APBB2: variants seen among roughly 807,000 people sequenced by gnomAD.
APBB2 encodes Fe65-like 1.
In APBB2, 38 loss-of-function variants were observed where a neutral mutation model predicts 82.5. The ratio of observed to expected loss-of-function variants is 0.46; its 90% CI spans 0.36 to 0.60. The LOEUF is 0.60. Ranked by LOEUF, APBB2 falls within the 20% of genes least tolerant of loss-of-function variation. The pLI is 0.00. For synonymous variants in APBB2, 341 were observed against 368.2 expected, an observed-to-expected ratio of 0.93 and a Z score of 0.85; for missense variants, 772 against 972.3, an observed-to-expected ratio of 0.79 and a Z score of 2.74.
At chr4:41,086,125 G>T (rs1459673055) in intron 3 of APBB2, among the ~76,000 whole-genome samples, 1 of 152,028 alleles carries the variant, frequency 6.6e-6, no homozygotes, top group African/African-American at 2.4e-5. Context: ...GAATCATGAA[G>T]AAATGAAAAA....
intron 1 of APBB2, among the ~76,000 whole-genome samples, chr4:41,203,028 G>T (rs1474427532): frequency 6.6e-6 from 1 of 151,176 alleles, no homozygotes. Flanking sequence ...TTCTTTACAG[G>T]AAATAAAGAT....
At chr4:40,844,391 G>C (rs1166806483) in intron 12 of APBB2, among the ~76,000 whole-genome samples, 2 of 152,236 alleles carry the variant, frequency 1.3e-5, no homozygotes, top group Admixed American at 6.5e-5. Flanking sequence ...GTGTATGGGA[G>C]TGCTGGGCAT....
intron 2 of APBB2, among the ~76,000 whole-genome samples, chr4:41,126,024 C>T (rs1053781191): frequency 6.6e-6 from 1 of 152,160 alleles, no homozygotes; most frequent in Admixed American, 6.5e-5. Flanking sequence ...CTTCGTTTCA[C>T]ACCTTTAATT....
At chr4:41,001,859 CAG>C (rs1464690899) in intron 6 of APBB2, among the ~76,000 whole-genome samples, 1 of 147,774 alleles carries the variant, frequency 6.8e-6, no homozygotes, top group African/African-American at 2.5e-5. Flanking sequence ...GCCTGGGTGA[CAG>C]AGTGAGACTC....
rs114742803 is a variant in APBB2 at position 41,002,792 on chromosome 4, G to A, written c.835+10791C>T. On this transcript the variant is annotated intron_variant, in intron 6 of 17. Transcript: ENST00000508593. ...ACAAAATCTGCCTGTGAGTTTGTGC[G>A]TTCTTCAGTATTGCTGTTTGTGATC... 4.1e-3 allele frequency among the ~76,000 whole-genome samples: 629 copies of A among 152,270 alleles called. 6 individuals carry two copies. Among genetic ancestry groups the A allele is most frequent in the African/African-American group, 0.015 (606 of 41,538 alleles).
intron 5 of APBB2, among the ~76,000 whole-genome samples, chr4:41,017,326 A>T (rs1026937902): frequency 3.9e-5 from 6 of 152,222 alleles, no homozygotes; most frequent in African/African-American, 1.2e-4. Flanking sequence ...AGCTAATCCC[A>T]TGAACTATAG....
intron 1 of APBB2, among the ~76,000 whole-genome samples, chr4:41,158,811 C>T (rs1764123965): frequency 6.6e-6 from 1 of 152,118 alleles, no homozygotes; most frequent in Non-Finnish European, 1.5e-5. Flanking sequence ...GCCCTTTACC[C>T]ATCTGTCCCG....
At chr4:41,049,317 C>G (rs1271291220) in intron 4 of APBB2, among the ~76,000 whole-genome samples, 2 of 111,018 alleles carry the variant, frequency 1.8e-5, no homozygotes, top group African/African-American at 6.6e-5. Context: ...CGGCAGCCGC[C>G]CCGTCGGAGA....
At chr4:41,025,244 AAAG>A (rs1311951398) in intron 5 of APBB2, among the ~76,000 whole-genome samples, 2 of 152,360 alleles carry the variant, frequency 1.3e-5, no homozygotes, top group African/African-American at 4.8e-5. Context: ...ACACTTCTGA[AAAG>A]AAGACATACA....
intron 6 of APBB2, among the ~76,000 whole-genome samples, chr4:40,956,740 T>C (rs1372145676): frequency 6.6e-6 from 1 of 152,200 alleles, no homozygotes; most frequent in Non-Finnish European, 1.5e-5. Context: ...AAGCTATTTG[T>C]AGCTGAGGAT....
chr4:40,986,074 T>C (rs1229687461), intron 6 of APBB2, among the ~76,000 whole-genome samples: 5 of 152,182 alleles, frequency 3.3e-5, no homozygotes, highest in Non-Finnish European at 4.4e-5. Context: ...CAAACTTCAA[T>C]ACCTGACCAC....
intron 6 of APBB2, among the ~76,000 whole-genome samples, chr4:40,973,478 C>T (rs1796430345): frequency 6.6e-6 from 1 of 152,222 alleles, no homozygotes; most frequent in Admixed American, 6.5e-5. Flanking sequence ...TGCTCTCACC[C>T]CTGTGTCTCA....
At chr4:41,177,940 A>C (rs556415254) in intron 1 of APBB2, among the ~76,000 whole-genome samples, 1 of 152,306 alleles carries the variant, frequency 6.6e-6, no homozygotes, top group African/African-American at 2.4e-5. Flanking sequence ...GTGCTTAAGA[A>C]GTTTCAGATT....
chr4:40,861,231 T>C (rs1294502323), intron 12 of APBB2, among the ~76,000 whole-genome samples: 1 of 152,016 alleles, frequency 6.6e-6, no homozygotes, highest in Non-Finnish European at 1.5e-5. Flanking sequence ...GTGCCTGTAA[T>C]CCCAGTTGCT....
intron 5 of APBB2, among the ~76,000 whole-genome samples, chr4:41,030,995 C>T (rs1467024612): frequency 2.0e-5 from 3 of 152,068 alleles, no homozygotes; most frequent in Admixed American, 6.6e-5. Flanking sequence ...GAGGCCGAGG[C>T]GGGCAGATCA....
chr4:41,174,201 A>G (rs1769128991), intron 1 of APBB2, among the ~76,000 whole-genome samples: 1 of 152,184 alleles, frequency 6.6e-6, no homozygotes, highest in African/African-American at 2.4e-5. Flanking sequence ...TCAACTACTG[A>G]GATTTCTTAA....
chr4:41,015,319 GA>G (rs1809595508), intron 5 of APBB2, among the ~76,000 whole-genome samples: 1 of 152,174 alleles, frequency 6.6e-6, no homozygotes, highest in South Asian at 2.1e-4. Context: ...TCATCAGCAA[GA>G]ATTCCTAAGG....
intron 2 of APBB2, among the ~76,000 whole-genome samples, chr4:41,119,886 G>T (rs1299473774): frequency 6.6e-6 from 1 of 152,134 alleles, no homozygotes; most frequent in Non-Finnish European, 1.5e-5. Flanking sequence ...GTGATAACAA[G>T]CATCAAAAAT....
At chr4:40,946,181 G>A (rs1375771659) in intron 6 of APBB2, among the ~76,000 whole-genome samples, 2 of 142,976 alleles carry the variant, frequency 1.4e-5, no homozygotes, top group African/African-American at 2.6e-5. Context: ...GCAGTGAGCT[G>A]AGATCACACC....
Sources: gnomAD v4.1 joint callset for allele counts (sites outside exome capture counted in the v4.1 genomes callset) on GRCh38, gnomAD v4.1.1 for gene constraint, MANE v1.5 for transcripts, NCBI Gene and HGNC (gene_info 2026-07-23, HGNC 2026-07-21) for gene names.